Variants in PDE8B observed in about 807,000 individuals in gnomAD.
The protein encoded by PDE8B is high affinity cAMP-specific and IBMX-insensitive 3',5'-cyclic phosphodiesterase 8B.
In PDE8B, 26 loss-of-function variants were observed where a neutral mutation model predicts 101.3. The observed-to-expected ratio is 0.26, with a 90% CI of 0.19 to 0.36. The LOEUF is 0.36. PDE8B is among the 10% of genes least tolerant of loss of function. PDE8B has a pLI of 1.00. For synonymous variants in PDE8B, 424 were observed against 429.3 expected (o/e 0.99, Z 0.15); for missense variants, 810 against 1,163.1 (o/e 0.70, Z 4.42).
the PDE8B span, among the ~76,000 whole-genome samples, chr5:77,178,929 C>T: frequency 2.0e-5 from 3 of 152,232 alleles, no homozygotes; most frequent in African/African-American, 7.2e-5. Flanking sequence ...TCAAAGCCAG[C>T]AAGAGAAAGC....
chr5:77,366,622 G>A (rs1165503994), intron 10 of PDE8B, among the ~76,000 whole-genome samples: 1 of 152,094 alleles, frequency 6.6e-6, no homozygotes, highest in African/African-American at 2.4e-5. Flanking sequence ...CACTGCTGTG[G>A]AAATACAGCC....
chr5:77,282,088 C>G (rs1378356874), intron 1 of PDE8B, among the ~76,000 whole-genome samples: 1 of 152,242 alleles, frequency 6.6e-6, no homozygotes, highest in African/African-American at 2.4e-5. Context: ...CCTGTTCAGC[C>G]TGACTTCAGA....
At chr5:77,336,185 T>TACAC (rs1471660445) in intron 5 of PDE8B, among the ~76,000 whole-genome samples, 2 of 152,180 alleles carry the variant, frequency 1.3e-5, no homozygotes, top group Non-Finnish European at 2.9e-5. Context: ...TATTTATAAA[T>TACAC]ACATGAAAGC....
the PDE8B span, chr5:77,114,447 T>C: frequency 1.3e-5 from 2 of 151,716 alleles, no homozygotes; most frequent in Admixed American, 1.3e-4. Flanking sequence ...CACTCATAGG[T>C]GGGAGTTGAA....
chr5:77,300,443 G>A (rs1455914628), intron 1 of PDE8B, among the ~76,000 whole-genome samples: 1 of 152,150 alleles, frequency 6.6e-6, no homozygotes, highest in African/African-American at 2.4e-5. Context: ...ACTCTCTAGG[G>A]TTTGGGGAGA....
At chr5:77,102,001 A>G in the PDE8B span, among the ~76,000 whole-genome samples, 4 of 152,192 alleles carry the variant, frequency 2.6e-5, no homozygotes, top group Non-Finnish European at 4.4e-5. Flanking sequence ...TTGTCCACCT[A>G]AAAAGGTAAA....
intron 6 of PDE8B, among the ~76,000 whole-genome samples, chr5:77,341,996 A>G (rs10514095): frequency 0.015 from 2,230 of 152,212 alleles, 59 homozygotes; most frequent in African/African-American, 0.051. Flanking sequence ...TTACCTTCTC[A>G]CACTGATATC....
chr5:77,129,599 C>G, the PDE8B span, among the ~76,000 whole-genome samples: 1,104 of 152,302 alleles, frequency 7.2e-3, 7 homozygotes, highest in South Asian at 0.032. Context: ...CTAGCTGTGC[C>G]CACCGGAGGG....
intron 3 of PDE8B, among the ~76,000 whole-genome samples, chr5:77,326,888 A>T (rs1012084746): frequency 6.6e-6 from 1 of 152,256 alleles, no homozygotes; most frequent in Non-Finnish European, 1.5e-5. Flanking sequence ...CTTAAAAAGA[A>T]AAAACCAACA....
the PDE8B span, among the ~76,000 whole-genome samples, chr5:77,187,487 C>T: frequency 6.6e-6 from 1 of 151,894 alleles, no homozygotes; most frequent in African/African-American, 2.4e-5. Flanking sequence ...AAAAAAAAAT[C>T]AAAGCAGTGA....
chr5:77,345,567 C>T (rs568260039), intron 7 of PDE8B, among the ~76,000 whole-genome samples: 1 of 152,332 alleles, frequency 6.6e-6, no homozygotes, highest in Non-Finnish European at 1.5e-5. Context: ...AGAGTATTTT[C>T]AAAGACATTC....
intron 1 of PDE8B, among the ~76,000 whole-genome samples, chr5:77,252,122 T>A (rs968677309): frequency 6.6e-6 from 1 of 152,178 alleles, no homozygotes; most frequent in Non-Finnish European, 1.5e-5. Context: ...TTATTCTGAG[T>A]GCAAGGCTTG....
At chr5:77,317,625 A>G (rs938163209) in intron 2 of PDE8B, among the ~76,000 whole-genome samples, 2 of 152,184 alleles carry the variant, frequency 1.3e-5, no homozygotes, top group African/African-American at 4.8e-5. Flanking sequence ...AAAGCAGAGG[A>G]AGTGTTATGA....
chr5:77,320,942 A>G (rs1774906613), intron 2 of PDE8B, among the ~76,000 whole-genome samples: 1 of 152,036 alleles, frequency 6.6e-6, no homozygotes, highest in African/African-American at 2.4e-5. Context: ...TTTTGTTTTT[A>G]TTTTTTAGTT....
At chr5:77,213,723 G>A (rs966710918) in intron 1 of PDE8B, among the ~76,000 whole-genome samples, 38 of 150,854 alleles carry the variant, frequency 2.5e-4, no homozygotes, top group African/African-American at 8.8e-4. Flanking sequence ...CCCTCCCCCT[G>A]GCCATTTTAC....
chr5:77,270,719 A>G (rs1384547616), intron 1 of PDE8B, among the ~76,000 whole-genome samples: 1 of 152,190 alleles, frequency 6.6e-6, no homozygotes, highest in African/African-American at 2.4e-5. Context: ...CACTCTTAAT[A>G]TGGAACACTG....
In PDE8B at chr5:77,211,018, C is replaced by T; in HGVS notation, c.93C>T (p.Ser31=). Residue 31 remains serine (S), a synonymous_variant, in exon 1 of 22, where the codon AGC becomes AGT. Transcript: ENST00000264917. The surrounding 1 kb of genome is among the most constrained non-coding windows in gnomAD (Gnocchi z 4.1). ...CCAGCTCGCCCCGCCAGACCACCAG[C>T]GTGTCGCAGGGCCCGGCGGCACCCC... ...DESSSPRQTT[S]VSQGPAAPLP... 1 of 1,548,664 alleles carries T rather than the reference C, an allele frequency of 6.5e-7. No individual in the cohort carries two copies. Among genetic ancestry groups the T allele is most frequent in the Non-Finnish European group, 8.6e-7 (1 of 1,157,640 alleles).
At chr5:77,372,782 C>T (rs916001387) in intron 10 of PDE8B, among the ~76,000 whole-genome samples, 7 of 152,162 alleles carry the variant, frequency 4.6e-5, no homozygotes, top group Non-Finnish European at 8.8e-5. Flanking sequence ...TCGTGGCTCA[C>T]GCCTGTAATC....
intron 1 of PDE8B, among the ~76,000 whole-genome samples, chr5:77,264,559 A>G (rs1234903754): frequency 2.0e-5 from 3 of 151,994 alleles, no homozygotes; most frequent in Non-Finnish European, 4.4e-5. Flanking sequence ...TTCTTCTAGA[A>G]CTTTTGGGAA....
Sources: gnomAD v4.1 joint callset for allele counts (sites outside exome capture counted in the v4.1 genomes callset) on GRCh38, gnomAD v4.1.1 for gene constraint, Gnocchi (gnomAD v3.1) non-coding constraint, MANE v1.5 for transcripts, NCBI Gene and HGNC (gene_info 2026-07-23, HGNC 2026-07-21) for gene names.